Variants in CBX3 observed in about 807,000 individuals in gnomAD.
CBX3 encodes chromobox protein homolog 3.
A neutral mutation model predicts 22.6 loss-of-function variants in CBX3; 5 were observed. The observed-to-expected ratio is 0.22, with a 90% confidence interval of 0.12 to 0.47. The LOEUF is 0.47. Ranked by LOEUF, CBX3 falls within the 20% of genes least tolerant of loss-of-function variation. The probability of loss-of-function intolerance (pLI) is 0.99; values close to 1 mark genes in which losing one functional copy is unlikely to be tolerated. For synonymous variants in CBX3, 50 were observed against 66.6 expected, an observed-to-expected ratio of 0.75 and a Z score of 1.21; for missense variants, 83 against 208.1, an observed-to-expected ratio of 0.40 and a Z score of 3.70.
At chr7:26,207,458 A>G (rs940852026) in intron 3 of CBX3, among the ~76,000 whole-genome samples, 1 of 152,198 alleles carries the variant, frequency 6.6e-6, no homozygotes, top group African/African-American at 2.4e-5. Context: ...CCAAAACTTA[A>G]GGCCACTAGC....
In CBX3 at chr7:26,212,636, T is replaced by A. The variant is rs1430532838; in HGVS notation, c.*428T>A. The stretch of plus-strand genomic sequence containing the variant: ...TGTATCCATAAAATGCATATGTAAA[T>A]TTTTTTTTGTTTTTAAGCATTCACC... On this transcript the variant is annotated 3_prime_UTR_variant, in exon 6 of 6. Transcript: ENST00000396386. The A allele has an allele frequency of 2.6e-5, 4 of 151,932 alleles. No individual in the cohort carries two copies. The highest frequency in any genetic ancestry group is 4.4e-5 in the Non-Finnish European group (3 of 67,948). The allele number at this position is 151,932 out of a possible 1,614,324, so 9.4% of individuals were successfully genotyped here. A position where few individuals can be genotyped will look rare whatever the true frequency, so the allele number is the denominator to read the frequency against.
At chr7:26,211,571 AT>A (rs1467404383) in intron 4 of CBX3, 90 bp from the exon 5 acceptor site, 6 of 719,328 alleles carry the variant, frequency 8.3e-6, no homozygotes, top group Non-Finnish European at 1.4e-5. Context: ...AGTCATTTCC[AT>A]CTCACTATTG....
At chr7:26,210,130 G>GA (rs935288726) in intron 4 of CBX3, 30 of 147,476 alleles carry the variant, frequency 2.0e-4, no homozygotes, top group South Asian at 4.3e-4. Flanking sequence ...TCTCTACAAA[G>GA]AAAAAAAAAA....
intron 2 of CBX3, chr7:26,206,160 G>A (rs529472443): frequency 8.6e-4 from 406 of 473,688 alleles, no homozygotes; most frequent in Non-Finnish European, 1.2e-3. Flanking sequence ...TTTTGGTGGT[G>A]GGTTGTAAGT....
In CBX3 at chr7:26,213,528, A is replaced by G. The variant is rs1423618600; in HGVS notation, c.*1320A>G. On this transcript the variant is annotated 3_prime_UTR_variant, in exon 6 of 6. Transcript: ENST00000396386. ...AACTTGAATATGTATTTCCACAGGA[A>G]TGTTTCCACAGTTGGGAAATAAAAG... is the stretch of plus-strand genomic sequence containing the variant. Among the ~76,000 whole-genome samples the G allele has an allele frequency of 1.3e-5, 2 of 152,172 alleles. No individual in the cohort carries two copies. The highest frequency in any genetic ancestry group is 4.8e-5 in the African/African-American group (2 of 41,444).
chr7:26,203,943 A>G (rs575255428), intron 2 of CBX3, among the ~76,000 whole-genome samples: 258 of 152,320 alleles, frequency 1.7e-3, no homozygotes, highest in African/African-American at 6.2e-3. Flanking sequence ...TTTTGCACGC[A>G]ATTGATAGCC....
chr7:26,201,658 C>T (rs1200767075), upstream of CBX3: 1 of 143,184 alleles, frequency 7.0e-6, no homozygotes, highest in Non-Finnish European at 1.5e-5. Flanking sequence ...GGCGCGCGCC[C>T]GCTGCCCCGC....
intron 1 of CBX3, 150 bp from the exon 2 acceptor site, chr7:26,202,821 A>G (rs1321514417): frequency 6.0e-6 from 4 of 664,088 alleles, no homozygotes; most frequent in African/African-American, 1.8e-5. Context: ...ATCATAAGCA[A>G]TGTAGGTAGG....
chr7:26,202,959 G>A lies in CBX3; in HGVS notation c.-28-12G>A. 6.4e-7 allele frequency: 1 copy of A among 1,557,704 alleles called. No individual in the cohort carries two copies. ...CATGCAAACTTACCTTAACTGTCATGCATTTTTCTAGTAATAGCTCTTCAA... is the reference window on the plus strand; with the variant it reads ...CATGCAAACTTACCTTAACTGTCATACATTTTTCTAGTAATAGCTCTTCAA... On this transcript the variant is annotated splice_polypyrimidine_tract_variant and intron_variant, in intron 1 of 5. Transcript: ENST00000396386.
chr7:26,207,679 C>T (rs990352767), intron 3 of CBX3, among the ~76,000 whole-genome samples: 4 of 151,876 alleles, frequency 2.6e-5, no homozygotes, highest in Non-Finnish European at 5.9e-5. Context: ...CCACTATGCC[C>T]GGCTAATTTT....
At chr7:26,205,510 A>G (rs1427740679) in intron 2 of CBX3, among the ~76,000 whole-genome samples, 1 of 152,230 alleles carries the variant, frequency 6.6e-6, no homozygotes, top group African/African-American at 2.4e-5. Context: ...TGAACCTCCT[A>G]GTGGTCTCTA....
chr7:26,207,724 G>A (rs1268362667), intron 3 of CBX3, among the ~76,000 whole-genome samples: 5 of 151,988 alleles, frequency 3.3e-5, no homozygotes, highest in Non-Finnish European at 7.4e-5. Context: ...CACCATGTTG[G>A]TCAGGCTGAT....
At chr7:26,201,719 C>G (rs1026263804), upstream of CBX3, 7 of 155,434 alleles carry the variant, frequency 4.5e-5, no homozygotes, top group African/African-American at 1.2e-4. Flanking sequence ...CCGGCGGCCC[C>G]GCGCGCAGCT....
chr7:26,207,108 T>C (rs1252002810), intron 3 of CBX3, among the ~76,000 whole-genome samples: 1 of 152,226 alleles, frequency 6.6e-6, no homozygotes, highest in Admixed American at 6.5e-5. Flanking sequence ...GCTTTGATTC[T>C]TCCCCCTTAC....
rs1349386638 is a variant in CBX3 at position 26,208,278 on chromosome 7, C to T, written c.168-115C>T. On this transcript the variant is annotated intron_variant, in intron 3 of 5. Transcript: ENST00000396386. The stretch of plus-strand genomic sequence containing the variant: ...TAGGGAAGGAGGAAATGATTAGTAT[C>T]TGCAGTACAGAGGACTTTTTATTCC... 5 of 739,784 alleles carry T rather than the reference C, an allele frequency of 6.8e-6. No individual in the cohort carries two copies. In the African/African-American group the frequency reaches 7.1e-5, roughly 10 times the overall value. The allele number at this position is 739,784 out of a possible 1,614,324, so 45.8% of individuals were successfully genotyped here.
chr7:26,206,805 T>A (rs899498235), intron 3 of CBX3, among the ~76,000 whole-genome samples: 1 of 152,220 alleles, frequency 6.6e-6, no homozygotes, highest in African/African-American at 2.4e-5. Flanking sequence ...TTACACTAAT[T>A]AGAATAATCT....
At position 26,205,313 on chromosome 7, in the gene CBX3, T is replaced by C. The variant is rs1686867363; in HGVS notation, c.25-1055T>C. ...TGTCATACCAAAGAAAATGCCTGTT[T>C]AAAGTGAATTTGGTTACCAGTATAG... On this transcript the variant is annotated intron_variant, in intron 2 of 5. Coordinates refer to ENST00000396386, the MANE Select transcript of CBX3 (RefSeq NM_016587.4). Among the ~76,000 whole-genome samples, 3 of 152,218 alleles carry C rather than the reference T, an allele frequency of 2.0e-5. No individual in the cohort carries two copies. In the South Asian group the frequency reaches 6.2e-4, roughly 32 times the overall value.
chr7:26,207,051 A>C (rs1784691345), intron 3 of CBX3, among the ~76,000 whole-genome samples: 1 of 152,230 alleles, frequency 6.6e-6, no homozygotes, highest in Non-Finnish European at 1.5e-5. Flanking sequence ...TAACTTGAAC[A>C]TGCAACAATT....
Position 26,203,079 on chromosome 7 carries a change from C to CAA in CBX3, c.24+58_24+59insAA. The CAA allele has an allele frequency of 2.6e-6, 3 of 1,164,388 alleles. No individual in the cohort carries two copies. The South Asian group carries it at 3.9e-5, about 15-fold the overall frequency. 72.1% of individuals were successfully genotyped at this position (1,164,388 alleles called of 1,614,324 possible). A position where few individuals can be genotyped will look rare whatever the true frequency, so the allele number is the denominator to read the frequency against. On this transcript the variant is annotated intron_variant, in intron 2 of 5. Coordinates refer to ENST00000396386, the MANE Select transcript of CBX3 (RefSeq NM_016587.4). ...ATTTAACTCAAGTTTTTTTTCCCCA[C>CAA]AGTATAACTTTGCATCTCTGTGGCT...
Sources: gnomAD v4.1 joint callset for allele counts (sites outside exome capture counted in the v4.1 genomes callset) on GRCh38, gnomAD v4.1.1 for gene constraint, MANE v1.5 for transcripts, NCBI Gene and HGNC (gene_info 2026-07-23, HGNC 2026-07-21) for gene names.